Variants in GOLGB1 observed in about 807,000 individuals in gnomAD.
GOLGB1 encodes golgin B1, also known as golgin subfamily B member 1.
A neutral mutation model predicts 336.9 loss-of-function variants in GOLGB1; 174 were observed. The observed-to-expected ratio is 0.52, with a 90% CI of 0.46 to 0.59. GOLGB1 has a LOEUF of 0.59. GOLGB1 is among the 20% of genes least tolerant of loss of function. GOLGB1 has a pLI of 0.00. For synonymous variants in GOLGB1, 1,208 were observed against 1,289.2 expected, an observed-to-expected ratio of 0.94 and a Z score of 1.35; for missense variants, 3,331 against 3,645.3, an observed-to-expected ratio of 0.91 and a Z score of 2.22.
chr3:121,689,093 G>A (rs9755731), intron 14 of GOLGB1, among the ~76,000 whole-genome samples: 18,484 of 148,490 alleles, frequency 0.12, 1,223 homozygotes, highest in African/African-American at 0.19. Flanking sequence ...CCGGCCAGCC[G>A]CCCCGTCCGG....
chr3:121,707,303 G>A (rs1369344513), intron 10 of GOLGB1, among the ~76,000 whole-genome samples: 1 of 150,174 alleles, frequency 6.7e-6, no homozygotes, highest in African/African-American at 2.4e-5. Context: ...ACACATCCAT[G>A]TACACACAGA....
intron 10 of GOLGB1, among the ~76,000 whole-genome samples, chr3:121,707,825 C>T (rs1316707356): frequency 6.6e-6 from 1 of 152,076 alleles, no homozygotes; most frequent in Non-Finnish European, 1.5e-5. Context: ...AGTTGAGTAC[C>T]TGCAACAAAG....
At position 121,681,963 on chromosome 3, in the gene GOLGB1, C is replaced by T. The variant is rs995626338; in HGVS notation, c.8695-98G>A. ...CCTACTAAGTAGTCAGACACCACAA[C>T]ATGAAACCAGCACCTAACAGTCCAC... is the stretch of plus-strand genomic sequence containing the variant. On this transcript the variant is annotated intron_variant, in intron 14 of 21. Transcript: ENST00000614479. The T allele has an allele frequency of 5.2e-6, 4 of 767,476 alleles. No homozygotes were observed. In the African/African-American group the frequency reaches 5.2e-5, roughly 10 times the overall value. The allele number at this position is 767,476 out of a possible 1,614,324, so 47.5% of individuals were successfully genotyped here.
At position 121,666,616 on chromosome 3, in the gene GOLGB1, A is replaced by G. The variant is rs150956122; in HGVS notation, c.9554+860T>C. ...TTGGATTGGAAAGAAAGGTATCTCA[A>G]GTAAGACCTGCTCAATGGGGCTGTC... On this transcript the variant is annotated intron_variant, in intron 20 of 21. Transcript: ENST00000614479. Among the ~76,000 whole-genome samples, 4 of 152,340 alleles carry G rather than the reference A, an allele frequency of 2.6e-5. No homozygotes were observed. The East Asian group carries it at 7.7e-4, about 29-fold the overall frequency.
chr3:121,742,154 G>A (rs1358386922), intron 1 of GOLGB1, among the ~76,000 whole-genome samples: 3 of 152,148 alleles, frequency 2.0e-5, no homozygotes, highest in African/African-American at 7.2e-5. Flanking sequence ...AGCCTGCATA[G>A]CCAAGACAAT....
At chr3:121,683,226 C>CCCTCTT (rs1941312036) in intron 14 of GOLGB1, among the ~76,000 whole-genome samples, 1 of 151,526 alleles carries the variant, frequency 6.6e-6, no homozygotes, top group Non-Finnish European at 1.5e-5. Flanking sequence ...TTTATAGGTA[C>CCCTCTT]CCTCTTCAGC....
intron 10 of GOLGB1, among the ~76,000 whole-genome samples, chr3:121,707,357 C>T (rs187028086): frequency 4.0e-5 from 6 of 151,824 alleles, no homozygotes; most frequent in African/African-American, 1.4e-4. Flanking sequence ...TGCAGTAGCT[C>T]ACACCTGTAA....
At chr3:121,745,296 G>A (rs1428584436) in intron 1 of GOLGB1, among the ~76,000 whole-genome samples, 8 of 137,610 alleles carry the variant, frequency 5.8e-5, no homozygotes, top group South Asian at 2.3e-4. Context: ...ATATGTATAC[G>A]TGTATGTATA....
chr3:121,718,387 C>G lies in GOLGB1; in HGVS notation c.885+1G>C. The stretch of plus-strand genomic sequence containing the variant: ...AGGAAGTAAAGATTAAAAGGCAGTA[C>G]CTGGTTTCTCTGCTCAGCAGCAGTC... On this transcript the variant is annotated splice_donor_variant, in intron 8 of 21. Transcript: ENST00000614479. LOFTEE classifies it high-confidence loss of function. 1 of 1,592,548 alleles carries G rather than the reference C, an allele frequency of 6.3e-7. No homozygotes were observed. The highest frequency in any genetic ancestry group is 8.6e-7 in the Non-Finnish European group (1 of 1,160,892).
chr3:121,713,900 A>G (rs1426983665), intron 10 of GOLGB1, among the ~76,000 whole-genome samples: 1 of 152,248 alleles, frequency 6.6e-6, no homozygotes, highest in Admixed American at 6.5e-5. Context: ...TAAATTTAAG[A>G]TGAACTGATG....
chr3:121,729,164 A>ATACAC lies in GOLGB1; in HGVS notation c.402+19_402+23dup, dbSNP rs746385251. 9 of 1,558,328 alleles carry ATACAC rather than the reference A, an allele frequency of 5.8e-6. No homozygotes were observed. The South Asian group carries it at 9.6e-5, about 17-fold the overall frequency. ...GGTAGGTTTTTTCAACTTAGGAAAT[A>ATACAC]TACACTACACCCAGTCACCATACCT... On this transcript the variant is annotated intron_variant, in intron 4 of 21. Transcript: ENST00000614479.
chr3:121,724,448 T>C (rs1945410669), intron 5 of GOLGB1, among the ~76,000 whole-genome samples: 1 of 151,994 alleles, frequency 6.6e-6, no homozygotes, highest in African/African-American at 2.4e-5. Context: ...AGGCTGAGCT[T>C]GAGAGTGATG....
chr3:121,686,027 T>G (rs999611197), intron 14 of GOLGB1, among the ~76,000 whole-genome samples: 5 of 152,174 alleles, frequency 3.3e-5, no homozygotes, highest in Non-Finnish European at 7.4e-5. Flanking sequence ...AGTGGTAGTT[T>G]TAGTGAACTG....
chr3:121,702,643 C>A lies in GOLGB1; in HGVS notation c.1405-48G>T. ...ATTAATGATTCTCCAGCAGAAAATTCTCACACTAACGCCCAGATAGCCTCC... is the reference window on the plus strand; with the variant it reads ...ATTAATGATTCTCCAGCAGAAAATTATCACACTAACGCCCAGATAGCCTCC... On this transcript the variant is annotated intron_variant, in intron 10 of 21. Coordinates refer to ENST00000614479, the MANE Select transcript of GOLGB1 (RefSeq NM_001366282.2). The A allele has an allele frequency of 2.3e-6, 2 of 882,860 alleles. 1 individual carries two copies. The highest frequency in any genetic ancestry group is 3.3e-6 in the Non-Finnish European group (2 of 598,650). The allele number at this position is 882,860 out of a possible 1,614,324, so 54.7% of individuals were successfully genotyped here.
At chr3:121,748,363 G>T (rs1365389557) in intron 1 of GOLGB1, among the ~76,000 whole-genome samples, 1 of 152,206 alleles carries the variant, frequency 6.6e-6, no homozygotes, top group Admixed American at 6.5e-5. Context: ...TTGGGGAGAT[G>T]CATGCTCAAA....
At chr3:121,708,913 C>G (rs1208996482) in intron 10 of GOLGB1, among the ~76,000 whole-genome samples, 2 of 151,966 alleles carry the variant, frequency 1.3e-5, no homozygotes, top group Non-Finnish European at 2.9e-5. Context: ...ACTCCAATCA[C>G]AAAGAAGAGA....
At position 121,713,476 on chromosome 3, in the gene GOLGB1, C is replaced by T. The variant is rs548145475; in HGVS notation, c.1404+1385G>A. ...TAAAGATTAAATTATAATACATGCACAATATGGATGAATCTCCAAATATGC... is the reference window on the plus strand; with the variant it reads ...TAAAGATTAAATTATAATACATGCATAATATGGATGAATCTCCAAATATGC... On this transcript the variant is annotated intron_variant, in intron 10 of 21. Transcript: ENST00000614479. 1.3e-4 allele frequency among the ~76,000 whole-genome samples: 20 copies of T among 152,218 alleles called. No homozygotes were observed. The South Asian group carries it at 1.7e-3, about 13-fold the overall frequency.
Position 121,698,173 on chromosome 3 carries a change from G to C in GOLGB1, c.2350C>G (p.Gln784Glu). 1.9e-6 allele frequency: 3 copies of C among 1,613,674 alleles called. No homozygotes were observed. In the South Asian group the frequency reaches 3.3e-5, roughly 18 times the overall value. ...TGGCTTTCATAATCAAGTCTTCTTTGCCTTTCTGCTTCTGCAAGGTTCATT... is the reference window on the plus strand; with the variant it reads ...TGGCTTTCATAATCAAGTCTTCTTTCCCTTTCTGCTTCTGCAAGGTTCATT... ...LEMNLAEAERQRRLDYESQTA... is the reference protein window; with the variant it reads ...LEMNLAEAERERRLDYESQTA... The change falls in exon 13 of 22, where the codon CAA (glutamine) becomes GAA (glutamate). Residue 784 changes from glutamine to glutamate, a missense_variant. Gln to Glu is a conservative substitution (Grantham distance 29). Transcript: ENST00000614479.
At chr3:121,688,058 G>T (rs1031854850) in intron 14 of GOLGB1, among the ~76,000 whole-genome samples, 1 of 152,160 alleles carries the variant, frequency 6.6e-6, no homozygotes, top group African/African-American at 2.4e-5. Context: ...AAGTGAGATA[G>T]GAATGAATAC....
Sources: allele counts gnomAD v4.1 joint callset (sites outside exome capture counted in the v4.1 genomes callset), GRCh38; gene constraint gnomAD v4.1.1; transcripts MANE v1.5; gene names NCBI Gene and HGNC (gene_info 2026-07-23, HGNC 2026-07-21).